The following SORCS1 variants were observed in gnomAD, a reference collection of about 807,000 sequenced individuals.
The protein encoded by SORCS1 is sortilin related VPS10 domain containing receptor 1.
In SORCS1, 60 loss-of-function variants were observed where a neutral mutation model predicts 146.1. The observed-to-expected ratio is 0.41, with a 90% confidence interval of 0.33 to 0.51. SORCS1 has a LOEUF of 0.51. Among genes scored for constraint, SORCS1 ranks in the 20% least tolerant of loss-of-function variants. The pLI is 0.21. For synonymous variants in SORCS1, 637 were observed against 584.0 expected (o/e 1.09, Z -1.31); for missense variants, 1,352 against 1,487.6 (o/e 0.91, Z 1.50).
intron 6 of SORCS1, among the ~76,000 whole-genome samples, chr10:106,725,050 G>C (rs756094425): frequency 1.3e-5 from 2 of 152,172 alleles, no homozygotes; most frequent in Non-Finnish European, 2.9e-5. Context: ...TGAGGCAGGA[G>C]AATCCCTTGA....
At chr10:106,948,288 G>GA (rs58693047) in intron 2 of SORCS1, among the ~76,000 whole-genome samples, 22 of 148,922 alleles carry the variant, frequency 1.5e-4, no homozygotes, top group African/African-American at 3.9e-4. Context: ...ACAGTTTTTT[G>GA]AAAAAAAAAA....
intron 1 of SORCS1, among the ~76,000 whole-genome samples, chr10:107,139,261 T>C (rs932357544): frequency 6.6e-6 from 1 of 152,136 alleles, no homozygotes; most frequent in Non-Finnish European, 1.5e-5. Flanking sequence ...TTTTAAAAAC[T>C]GGAACCAAGC....
intron 5 of SORCS1, among the ~76,000 whole-genome samples, chr10:106,741,359 G>C (rs2136107093): frequency 6.6e-6 from 1 of 152,334 alleles, no homozygotes; most frequent in Admixed American, 6.5e-5. Flanking sequence ...AGCAGTTTGA[G>C]AGGCTAAGGC....
At chr10:106,672,180 T>C (rs115969638) in intron 15 of SORCS1, among the ~76,000 whole-genome samples, 121 of 152,338 alleles carry the variant, frequency 7.9e-4, no homozygotes, top group African/African-American at 2.8e-3. Flanking sequence ...GTTTGAGGTA[T>C]ATGACGTTTT....
chr10:106,806,662 C>T (rs1179858392), intron 3 of SORCS1, among the ~76,000 whole-genome samples: 1 of 150,934 alleles, frequency 6.6e-6, no homozygotes, highest in Non-Finnish European at 1.5e-5. Flanking sequence ...AGTACAGGTG[C>T]CCGCCACCTC....
At chr10:106,939,838 C>A (rs1953939208) in intron 2 of SORCS1, among the ~76,000 whole-genome samples, 1 of 152,192 alleles carries the variant, frequency 6.6e-6, no homozygotes, top group African/African-American at 2.4e-5. Context: ...TACTATTGCT[C>A]TCATCTTCCT....
At chr10:106,873,874 G>A (rs1235631474) in intron 2 of SORCS1, among the ~76,000 whole-genome samples, 1 of 152,110 alleles carries the variant, frequency 6.6e-6, no homozygotes, top group Non-Finnish European at 1.5e-5. Flanking sequence ...TCCAAAAAGA[G>A]TCAGTGCCAG....
At position 106,776,640 on chromosome 10, in the gene SORCS1, T is replaced by C; in HGVS notation, c.779A>G (p.Asp260Gly). The C allele has an allele frequency of 6.2e-7, 1 of 1,614,082 alleles. No individual in the cohort carries two copies. The highest frequency in any genetic ancestry group is 8.5e-7 in the Non-Finnish European group (1 of 1,179,948). ...EIESSLLISSDEGATYQKYRL... is the reference protein window; with the variant it reads ...EIESSLLISSGEGATYQKYRL... ...GTACTTTTGATAAGTTGCCCCTTCA[T>C]CTGAGCTGATCAATAAACTGCTCTC... is the stretch of plus-strand genomic sequence containing the variant. Residue 260 changes from aspartate (D) to glycine (G), a missense_variant, in exon 4 of 26, where the codon GAT (aspartate) becomes GGT (glycine). Coordinates refer to ENST00000263054, the MANE Select transcript of SORCS1 (RefSeq NM_052918.5).
chr10:106,812,387 A>C (rs1285858889), intron 3 of SORCS1, among the ~76,000 whole-genome samples: 1 of 152,196 alleles, frequency 6.6e-6, no homozygotes, highest in Non-Finnish European at 1.5e-5. Context: ...TAGAGCTTAC[A>C]GTTTATTATA....
intron 1 of SORCS1, among the ~76,000 whole-genome samples, chr10:106,968,367 T>A (rs1955611344): frequency 6.6e-6 from 1 of 152,242 alleles, no homozygotes; most frequent in South Asian, 2.1e-4. Flanking sequence ...CAAATCAGTA[T>A]CTGTCTGAAT....
chr10:106,645,164 CTTA>C (rs1489760323), intron 18 of SORCS1, among the ~76,000 whole-genome samples: 4 of 115,434 alleles, frequency 3.5e-5, no homozygotes, highest in African/African-American at 1.3e-4. Flanking sequence ...GAGAGGGTGT[CTTA>C]TTATTTTTTT....
chr10:106,992,830 T>C (rs1485576723), intron 1 of SORCS1, among the ~76,000 whole-genome samples: 16 of 132,944 alleles, frequency 1.2e-4, no homozygotes, highest in Admixed American at 2.2e-4. Flanking sequence ...TTCTTTCTTT[T>C]TTTTTTTTTT....
chr10:106,617,478 T>A (rs374976453), intron 21 of SORCS1, among the ~76,000 whole-genome samples: 1 of 151,480 alleles, frequency 6.6e-6, no homozygotes, highest in East Asian at 2.0e-4. Context: ...GAAAAAGATT[T>A]ACCAAAATGA....
At chr10:107,178,741 G>T in the SORCS1 span, among the ~76,000 whole-genome samples, 1 of 151,974 alleles carries the variant, frequency 6.6e-6, no homozygotes, top group African/African-American at 2.4e-5. Context: ...GTCTACCATG[G>T]CCTCCCAAAG....
At chr10:106,730,007 A>C (rs1009133949) in intron 6 of SORCS1, 43 bp downstream of exon 6, 2 of 1,591,786 alleles carry the variant, frequency 1.3e-6, no homozygotes, top group Admixed American at 1.7e-5. Flanking sequence ...GAGTCATAGA[A>C]CTAATATTAC....
chr10:107,154,123 T>C (rs1024839351), intron 1 of SORCS1, among the ~76,000 whole-genome samples: 31 of 149,856 alleles, frequency 2.1e-4, no homozygotes, highest in African/African-American at 7.1e-4. Flanking sequence ...GCAATTCTCC[T>C]GCCTCAGCCT....
chr10:106,821,794 C>T (rs906274551), intron 3 of SORCS1, among the ~76,000 whole-genome samples: 7 of 151,808 alleles, frequency 4.6e-5, no homozygotes, highest in Admixed American at 1.3e-4. Flanking sequence ...TGTTGGTGGG[C>T]GCCTGTAGTC....
At chr10:106,977,377 G>C (rs1161264161) in intron 1 of SORCS1, among the ~76,000 whole-genome samples, 1 of 151,948 alleles carries the variant, frequency 6.6e-6, no homozygotes, top group Non-Finnish European at 1.5e-5. Context: ...TTTTTGATGG[G>C]GTTGTTTTAT....
intron 2 of SORCS1, among the ~76,000 whole-genome samples, chr10:106,948,164 A>G (rs1030463264): frequency 3.3e-5 from 5 of 152,144 alleles, no homozygotes; most frequent in African/African-American, 1.2e-4. Context: ...TGGTATGTAT[A>G]TATCTGTTGA....
Sources: allele counts gnomAD v4.1 joint callset (sites outside exome capture counted in the v4.1 genomes callset), GRCh38; gene constraint gnomAD v4.1.1; transcripts MANE v1.5; gene names NCBI Gene and HGNC (gene_info 2026-07-23, HGNC 2026-07-21).